The following NEDD4L variants were observed in gnomAD, a reference collection of about 807,000 sequenced individuals.
NEDD4L encodes the protein NEDD4 like E3 ubiquitin protein ligase.
A neutral mutation model predicts 148.9 loss-of-function variants in NEDD4L; 54 were observed. The observed-to-expected ratio is 0.36, with a 90% CI of 0.29 to 0.45. The LOEUF is 0.45. NEDD4L is among the 20% of genes least tolerant of loss of function. NEDD4L has a pLI of 1.00. For synonymous variants in NEDD4L, 433 were observed against 440.7 expected (o/e 0.98, Z 0.22); for missense variants, 856 against 1,233.8 (o/e 0.69, Z 4.59).
intron 5 of NEDD4L, among the ~76,000 whole-genome samples, chr18:58,267,681 A>G (rs1212529807): frequency 6.6e-6 from 1 of 151,868 alleles, no homozygotes; most frequent in Non-Finnish European, 1.5e-5. Context: ...CTCCTTAAGG[A>G]AGTGTTATTT....
chr18:58,104,776 G>A (rs567256571), intron 1 of NEDD4L, among the ~76,000 whole-genome samples: 6 of 152,108 alleles, frequency 3.9e-5, no homozygotes, highest in Admixed American at 1.3e-4. Flanking sequence ...GTTTTGCACC[G>A]TTTCAGCTTC....
chr18:58,381,135 A>G (rs2048283619), intron 24 of NEDD4L, among the ~76,000 whole-genome samples: 1 of 152,238 alleles, frequency 6.6e-6, no homozygotes, highest in Non-Finnish European at 1.5e-5. Flanking sequence ...CCATTGCTAT[A>G]AACTCCAAAA....
In NEDD4L at chr18:58,140,527, C is replaced by T. The variant is rs1035734267; in HGVS notation, c.49-25261C>T. Among the ~76,000 whole-genome samples the T allele has an allele frequency of 1.3e-4, 20 of 151,902 alleles. 1 individual carries two copies. The highest frequency in any genetic ancestry group is 2.7e-4 in the African/African-American group (11 of 41,314). On this transcript the variant is annotated intron_variant, in intron 1 of 30. Transcript: ENST00000400345. ...TTTGCCCCACAAAGGGCCACCAGCA[C>T]GAGGAAATACATAGTGTGTCCCCTT...
At chr18:58,331,604 C>T (rs1458406419) in intron 11 of NEDD4L, among the ~76,000 whole-genome samples, 1 of 152,126 alleles carries the variant, frequency 6.6e-6, no homozygotes. Context: ...TTTGACAATA[C>T]AAAACTGTGC....
At chr18:58,265,082 G>A (rs949142511) in intron 5 of NEDD4L, among the ~76,000 whole-genome samples, 1 of 151,846 alleles carries the variant, frequency 6.6e-6, no homozygotes, top group African/African-American at 2.4e-5. Flanking sequence ...GCACAGGCTG[G>A]GAGGGACAGG....
intron 1 of NEDD4L, among the ~76,000 whole-genome samples, chr18:58,115,021 TC>T (rs994191154): frequency 2.6e-5 from 4 of 152,102 alleles, no homozygotes; most frequent in Non-Finnish European, 5.9e-5. Context: ...GCAGCCTTAA[TC>T]CCCCTTTTCT....
At chr18:58,118,433 A>G (rs550847482) in intron 1 of NEDD4L, among the ~76,000 whole-genome samples, 15 of 152,348 alleles carry the variant, frequency 9.8e-5, no homozygotes, top group African/African-American at 3.4e-4. Flanking sequence ...TTATGGATAT[A>G]ACTAGAAGCT....
rs2145696642 is a variant in NEDD4L at position 58,113,258 on chromosome 18, G to T, written c.49-52530G>T. On this transcript the variant is annotated intron_variant, in intron 1 of 30. Transcript: ENST00000400345. ...ATTGAGTGATGAGTCTGAATTTCAT[G>T]CTTGATTGATGATGATTGGTGACAG... Among the ~76,000 whole-genome samples, 3 of 152,338 alleles carry T rather than the reference G, an allele frequency of 2.0e-5. No homozygotes were observed. In the South Asian group the frequency reaches 6.2e-4, roughly 32 times the overall value.
intron 1 of NEDD4L, among the ~76,000 whole-genome samples, chr18:58,064,895 G>T (rs2082521152): frequency 6.6e-6 from 1 of 152,158 alleles, no homozygotes; most frequent in Non-Finnish European, 1.5e-5. Flanking sequence ...GAGGCCAGGA[G>T]TTTGAGACCA....
chr18:58,121,563 G>C lies in NEDD4L; in HGVS notation c.49-44225G>C, dbSNP rs75638325. 2.5e-3 allele frequency among the ~76,000 whole-genome samples: 387 copies of C among 152,104 alleles called. 4 individuals carry two copies. The highest frequency in any genetic ancestry group is 4.5e-3 in the Non-Finnish European group (305 of 67,988). ...AGAACCACAGGCGAGTTCCACTACA[G>C]CTGGCTAATTAACAAAAATTTTTTT... On this transcript the variant is annotated intron_variant, in intron 1 of 30. Coordinates refer to ENST00000400345, the MANE Select transcript of NEDD4L (RefSeq NM_001144967.3).
chr18:58,375,114 C>T (rs2047392004), intron 24 of NEDD4L, among the ~76,000 whole-genome samples: 1 of 152,086 alleles, frequency 6.6e-6, no homozygotes, highest in East Asian at 1.9e-4. Context: ...TCAGAATCTC[C>T]CTCTCTCCTC....
chr18:58,132,384 T>C (rs1233826014), intron 1 of NEDD4L, among the ~76,000 whole-genome samples: 8 of 152,226 alleles, frequency 5.3e-5, no homozygotes, highest in Non-Finnish European at 1.2e-4. Flanking sequence ...AACTTACTTA[T>C]TTTGCAGAGG....
At chr18:58,310,030 GCTCTCA>G (rs1426566898) in intron 5 of NEDD4L, among the ~76,000 whole-genome samples, 8 of 152,174 alleles carry the variant, frequency 5.3e-5, no homozygotes, top group African/African-American at 7.2e-5. Flanking sequence ...TCTCGCTCTC[GCTCTCA>G]CTCTCACTCT....
At chr18:58,058,616 A>G (rs1195198679) in intron 1 of NEDD4L, among the ~76,000 whole-genome samples, 2 of 152,228 alleles carry the variant, frequency 1.3e-5, no homozygotes, top group Admixed American at 6.5e-5. Flanking sequence ...TTGGGGTAGC[A>G]CTGGAGTACT....
intron 2 of NEDD4L, among the ~76,000 whole-genome samples, chr18:58,190,445 C>T (rs886566667): frequency 1.3e-5 from 2 of 152,072 alleles, no homozygotes; most frequent in Non-Finnish European, 2.9e-5. Context: ...CATTTTATAA[C>T]ATAGAATGAA....
chr18:58,114,010 C>G (rs757239248), intron 1 of NEDD4L, among the ~76,000 whole-genome samples: 1 of 152,106 alleles, frequency 6.6e-6, no homozygotes, highest in Non-Finnish European at 1.5e-5. Context: ...TCATACCAGC[C>G]GCAGGGCACT....
chr18:58,294,051 A>G (rs1311103786), intron 5 of NEDD4L, among the ~76,000 whole-genome samples: 2 of 152,218 alleles, frequency 1.3e-5, no homozygotes, highest in African/African-American at 4.8e-5. Flanking sequence ...GAAGTTTCCC[A>G]CATACCATTT....
At position 58,265,453 on chromosome 18, in the gene NEDD4L, C is replaced by T. The variant is rs577526978; in HGVS notation, c.297+13399C>T. 9.2e-5 allele frequency among the ~76,000 whole-genome samples: 14 copies of T among 152,178 alleles called. No homozygotes were observed. In the South Asian group the frequency reaches 2.9e-3, roughly 32 times the overall value. On this transcript the variant is annotated intron_variant, in intron 5 of 30. Coordinates refer to ENST00000400345, the MANE Select transcript of NEDD4L (RefSeq NM_001144967.3). ...ACAAGGAAATACCAAGGCACAGTTT[C>T]TGCCATTTAATGGTGGTAGCAGAGA...
intron 1 of NEDD4L, among the ~76,000 whole-genome samples, chr18:58,050,666 C>CAGG (rs71173024): frequency 0.086 from 13,147 of 152,064 alleles, 597 homozygotes; most frequent in East Asian, 0.13. Context: ...GAGGCTGAGG[C>CAGG]AGGAGAATTG....
Sources: gnomAD v4.1 joint callset for allele counts (sites outside exome capture counted in the v4.1 genomes callset) on GRCh38, gnomAD v4.1.1 for gene constraint, MANE v1.5 for transcripts, NCBI Gene and HGNC (gene_info 2026-07-23, HGNC 2026-07-21) for gene names.